Variants in TLL1 observed in about 807,000 individuals in gnomAD.
TLL1 encodes tolloid-like protein 1.
TLL1 carries 49 observed loss-of-function variants against 128.2 expected under a neutral mutation model. The observed-to-expected ratio is 0.38, with a 90% CI of 0.30 to 0.48. The LOEUF is 0.48. Ranked by LOEUF, TLL1 falls within the 20% of genes least tolerant of loss-of-function variation. The probability of loss-of-function intolerance (pLI) is 0.96; values close to 1 mark genes in which losing one functional copy is unlikely to be tolerated. For missense variants in TLL1, 1,123 were observed against 1,242.0 expected (o/e 0.90, Z 1.44); for synonymous variants, 454 against 418.8 (o/e 1.08, Z -1.03).
intron 1 of TLL1, among the ~76,000 whole-genome samples, chr4:165,917,225 G>A (rs1430492227): frequency 1.3e-5 from 2 of 151,886 alleles, no homozygotes; most frequent in East Asian, 1.9e-4. Context: ...AAAAAAAATC[G>A]CCTTGCTTCT....
rs115405810 is a variant in TLL1 at position 166,001,508 on chromosome 4, A to C, written c.633-1883A>C. Among the ~76,000 whole-genome samples, 407 of 152,152 alleles carry C rather than the reference A, an allele frequency of 2.7e-3. 4 individuals carry two copies. The highest frequency in any genetic ancestry group is 9.2e-3 in the African/African-American group (380 of 41,516). Reference sequence around the variant, plus strand: ...TGGATAGAAAAACATCATTTTTTCTATCCATTGAGGCTGGCCACAATGGCC... The same window carrying C: ...TGGATAGAAAAACATCATTTTTTCTCTCCATTGAGGCTGGCCACAATGGCC... On this transcript the variant is annotated intron_variant, in intron 5 of 20. Coordinates refer to ENST00000061240, the MANE Select transcript of TLL1 (RefSeq NM_012464.5).
At chr4:165,909,186 C>CA (rs577022043) in intron 1 of TLL1, among the ~76,000 whole-genome samples, 1,614 of 145,676 alleles carry the variant, frequency 0.011, 32 homozygotes, top group African/African-American at 0.037. Context: ...GACTCCGTCT[C>CA]AAAAAAAAAG....
intron 1 of TLL1, among the ~76,000 whole-genome samples, chr4:165,966,393 G>T (rs1343210889): frequency 6.6e-6 from 1 of 152,080 alleles, no homozygotes; most frequent in Non-Finnish European, 1.5e-5. Context: ...GCAGATTTAT[G>T]GGTTCTGTCA....
intron 8 of TLL1, among the ~76,000 whole-genome samples, chr4:166,017,672 C>T (rs1738015703): frequency 6.6e-6 from 1 of 150,938 alleles, no homozygotes; most frequent in South Asian, 2.1e-4. Context: ...AACAAATAGC[C>T]CCCTCCCTTC....
rs532932205 is a variant in TLL1 at position 166,034,947 on chromosome 4, C to T, written c.1159-4392C>T. On this transcript the variant is annotated intron_variant, in intron 9 of 20. Coordinates refer to ENST00000061240, the MANE Select transcript of TLL1 (RefSeq NM_012464.5). ...CACTTGGCTGAAGGGTTGGAAGGGA[C>T]AAAGGGATAAAATGATGAACCTGTT... 2.6e-5 allele frequency among the ~76,000 whole-genome samples: 4 copies of T among 152,284 alleles called. No individual in the cohort carries two copies. In the South Asian group the frequency reaches 8.3e-4, roughly 32 times the overall value.
intron 1 of TLL1, among the ~76,000 whole-genome samples, chr4:165,918,727 A>T (rs888971129): frequency 2.0e-5 from 3 of 151,814 alleles, no homozygotes; most frequent in African/African-American, 7.3e-5. Flanking sequence ...CATTTCCTCT[A>T]GTTTGTGTTT....
At chr4:165,898,625 G>T (rs1021191825) in intron 1 of TLL1, among the ~76,000 whole-genome samples, 1 of 152,238 alleles carries the variant, frequency 6.6e-6, no homozygotes, top group African/African-American at 2.4e-5. Flanking sequence ...TGATGAATTT[G>T]GTTTGCCAGT....
chr4:165,937,129 A>G (rs1377892731), intron 1 of TLL1, among the ~76,000 whole-genome samples: 2 of 152,158 alleles, frequency 1.3e-5, no homozygotes, highest in Admixed American at 1.3e-4. Context: ...AATTTCTGCT[A>G]CTTCTGTTCC....
intron 9 of TLL1, among the ~76,000 whole-genome samples, chr4:166,034,397 A>G (rs1010827601): frequency 2.0e-5 from 3 of 152,184 alleles, no homozygotes; most frequent in Non-Finnish European, 2.9e-5. Context: ...TCAGAGCACA[A>G]TAGCAAGCAG....
chr4:166,091,467 A>C, intron 19 of TLL1, 126 bp downstream of exon 19: 1 of 777,224 alleles, frequency 1.3e-6, no homozygotes, highest in Non-Finnish European at 2.1e-6. Flanking sequence ...TCACTGAAGC[A>C]CTTTGTGAAA....
chr4:165,931,719 A>AAAAAAAAAAAAAAAAG (rs1360562233), intron 1 of TLL1, among the ~76,000 whole-genome samples: 19 of 103,172 alleles, frequency 1.8e-4, no homozygotes, highest in East Asian at 1.8e-3. Flanking sequence ...ACTCTGTCTC[A>AAAAAAAAAAAAAAAAG]AAAGAAAAAA....
At chr4:165,880,124 T>A (rs1297634844) in intron 1 of TLL1, among the ~76,000 whole-genome samples, 1 of 152,194 alleles carries the variant, frequency 6.6e-6, no homozygotes, top group African/African-American at 2.4e-5. Flanking sequence ...CGTGTTCTTT[T>A]CCAGAAAGCA....
rs183817217 is a variant in TLL1, at chr4:165,986,005, A to G, written c.170-3376A>G. Among the ~76,000 whole-genome samples the G allele has an allele frequency of 6.7e-3, 1,012 of 150,536 alleles. 13 individuals are homozygous for G. The highest frequency in any genetic ancestry group is 0.024 in the African/African-American group (966 of 40,140). On this transcript the variant is annotated intron_variant, in intron 1 of 20. Coordinates refer to ENST00000061240, the MANE Select transcript of TLL1 (RefSeq NM_012464.5). ...AGTATTTTCCTAGTATCGTCCCAAT[A>G]ACCATTTTCCCATTTTTTTTTTAGT...
At chr4:165,925,202 G>A (rs1158008191) in intron 1 of TLL1, among the ~76,000 whole-genome samples, 3 of 152,210 alleles carry the variant, frequency 2.0e-5, no homozygotes, top group African/African-American at 7.2e-5. Context: ...GGCTATGGTT[G>A]CCATAAATAG....
intron 1 of TLL1, among the ~76,000 whole-genome samples, chr4:165,947,554 ACT>A (rs1287985546): frequency 1.3e-5 from 2 of 152,140 alleles, no homozygotes; most frequent in Non-Finnish European, 2.9e-5. Context: ...TAAGAGATTC[ACT>A]GTCAGCAAAG....
At chr4:165,972,773 G>T (rs1222529732) in intron 1 of TLL1, among the ~76,000 whole-genome samples, 1 of 152,062 alleles carries the variant, frequency 6.6e-6, no homozygotes, top group African/African-American at 2.4e-5. Flanking sequence ...TGTCCATTGT[G>T]GTCAGTGAGC....
At chr4:165,889,714 T>A (rs978653328) in intron 1 of TLL1, among the ~76,000 whole-genome samples, 4 of 152,236 alleles carry the variant, frequency 2.6e-5, no homozygotes, top group Admixed American at 2.6e-4. Flanking sequence ...TAGGTGATAC[T>A]TATTGCATTC....
intron 9 of TLL1, among the ~76,000 whole-genome samples, chr4:166,027,245 G>A (rs1214764054): frequency 1.3e-5 from 2 of 152,032 alleles, no homozygotes; most frequent in Non-Finnish European, 2.9e-5. Context: ...CTAGATGGGG[G>A]AGCCTGAAAA....
At chr4:165,911,651 T>C (rs1327953846) in intron 1 of TLL1, among the ~76,000 whole-genome samples, 1 of 152,164 alleles carries the variant, frequency 6.6e-6, no homozygotes, top group Non-Finnish European at 1.5e-5. Flanking sequence ...ACCCCCTTTT[T>C]TTAATTTTCA....
Sources: allele counts gnomAD v4.1 joint callset (sites outside exome capture counted in the v4.1 genomes callset), GRCh38; gene constraint gnomAD v4.1.1; transcripts MANE v1.5; gene names NCBI Gene and HGNC (gene_info 2026-07-23, HGNC 2026-07-21).